Variants in TNS3 observed in about 807,000 individuals in gnomAD.
TNS3 encodes tensin 3, also known as tensin-3.
Under a neutral mutation model 140.9 loss-of-function variants are expected in TNS3, and 45 were observed. That is an observed-to-expected ratio of 0.32 (90% CI 0.25 to 0.41). The LOEUF (loss-of-function observed/expected upper bound fraction) is 0.41. Among genes scored for constraint, TNS3 ranks in the 10% least tolerant of loss-of-function variants. TNS3 has a pLI of 1.00. For missense variants in TNS3, 1,716 were observed against 1,906.7 expected, an observed-to-expected ratio of 0.90 and a Z score of 1.86; for synonymous variants, 815 against 788.4, an observed-to-expected ratio of 1.03 and a Z score of -0.56.
intron 20 of TNS3, among the ~76,000 whole-genome samples, chr7:47,312,329 C>A (rs1465122372): frequency 6.6e-6 from 1 of 152,194 alleles, no homozygotes; most frequent in East Asian, 1.9e-4. Context: ...AAAACCATCC[C>A]TCTGCACCCT....
At chr7:47,531,767 GCTCCACCCC>G (rs1385247871) in intron 1 of TNS3, among the ~76,000 whole-genome samples, 3 of 152,242 alleles carry the variant, frequency 2.0e-5, no homozygotes, top group African/African-American at 7.2e-5. Flanking sequence ...GCCGGTGGGA[GCTCCACCCC>G]TTCTGAGTTG....
intron 1 of TNS3, among the ~76,000 whole-genome samples, chr7:47,542,871 A>G (rs1421839101): frequency 1.3e-5 from 2 of 149,442 alleles, no homozygotes; most frequent in Admixed American, 6.8e-5. Flanking sequence ...CAGAGGTTGC[A>G]GTGAGCCGAG....
chr7:47,393,928 C>T (rs1792677444), intron 16 of TNS3, among the ~76,000 whole-genome samples: 1 of 151,994 alleles, frequency 6.6e-6, no homozygotes, highest in East Asian at 1.9e-4. Flanking sequence ...AATGCCAGAC[C>T]TTCTCTACTC....
intron 2 of TNS3, among the ~76,000 whole-genome samples, chr7:47,511,990 C>T (rs1798630035): frequency 6.6e-6 from 1 of 152,248 alleles, no homozygotes; most frequent in African/African-American, 2.4e-5. Flanking sequence ...CGCCTTGTTC[C>T]ACCTGTTCCC....
At chr7:47,313,677 G>A (rs536422002) in intron 20 of TNS3, among the ~76,000 whole-genome samples, 3 of 152,260 alleles carry the variant, frequency 2.0e-5, no homozygotes, top group South Asian at 2.1e-4. Flanking sequence ...CAGAGTCCCC[G>A]TGCCTCAAGG....
At chr7:47,328,609 T>C (rs185727740) in intron 20 of TNS3, among the ~76,000 whole-genome samples, 5 of 152,146 alleles carry the variant, frequency 3.3e-5, no homozygotes, top group East Asian at 1.9e-4. Flanking sequence ...AACAAGGATG[T>C]CCCTAGTCAG....
chr7:47,511,979 A>G (rs1214250561), intron 2 of TNS3, among the ~76,000 whole-genome samples: 2 of 152,218 alleles, frequency 1.3e-5, no homozygotes, highest in African/African-American at 4.8e-5. Flanking sequence ...TGTACTTTAG[A>G]CGCCTTGTTC....
chr7:47,571,712 T>G (rs776097228), intron 1 of TNS3, among the ~76,000 whole-genome samples: 1 of 152,226 alleles, frequency 6.6e-6, no homozygotes, highest in African/African-American at 2.4e-5. Context: ...AGCTGGAACC[T>G]TTTTGGCTAC....
chr7:47,475,123 C>T (rs1360774075), intron 4 of TNS3, among the ~76,000 whole-genome samples: 1 of 151,982 alleles, frequency 6.6e-6, no homozygotes, highest in African/African-American at 2.4e-5. Flanking sequence ...AACATACACA[C>T]ACAAAACACC....
At chr7:47,293,672 G>A in intron 25 of TNS3, 61 bp downstream of exon 25, 1 of 1,462,706 alleles carries the variant, frequency 6.8e-7, no homozygotes, top group Non-Finnish European at 9.6e-7. Flanking sequence ...AGGTTGGTGA[G>A]CAGAGGGAAT....
At chr7:47,564,635 CA>C (rs749603752) in intron 1 of TNS3, among the ~76,000 whole-genome samples, 335 of 30,194 alleles carry the variant, frequency 0.011, 4 homozygotes, top group African/African-American at 0.039. Context: ...GACTCCGTCT[CA>C]AAAAAAAAAA....
chr7:47,448,758 T>G (rs1795875023), intron 4 of TNS3, among the ~76,000 whole-genome samples: 1 of 152,222 alleles, frequency 6.6e-6, no homozygotes, highest in Admixed American at 6.5e-5. Flanking sequence ...ATTGCAGGCG[T>G]AAGCCACCGC....
intron 2 of TNS3, among the ~76,000 whole-genome samples, chr7:47,525,336 T>C (rs1799154217): frequency 6.6e-6 from 1 of 152,210 alleles, no homozygotes. Context: ...ACACTGGGCT[T>C]TGTTCTCGTG....
intron 1 of TNS3, chr7:47,557,043 A>G (rs1470321562): frequency 2.2e-6 from 1 of 456,772 alleles, no homozygotes; most frequent in South Asian, 1.5e-5. Flanking sequence ...TGACCTGTGC[A>G]GGGTGTGCAG....
chr7:47,528,900 G>T, intron 2 of TNS3, 136 bp downstream of exon 2: 1 of 399,928 alleles, frequency 2.5e-6, no homozygotes, highest in Non-Finnish European at 4.3e-6. Context: ...GGGGGTAGGG[G>T]GTTGGGGGAC....
At chr7:47,420,366 C>T (rs922452009) in intron 10 of TNS3, among the ~76,000 whole-genome samples, 2 of 152,126 alleles carry the variant, frequency 1.3e-5, no homozygotes, top group African/African-American at 4.8e-5. Context: ...CCTGATGGTC[C>T]ACGCCTATTG....
intron 4 of TNS3, among the ~76,000 whole-genome samples, chr7:47,464,934 A>G (rs1472736005): frequency 2.0e-5 from 3 of 152,184 alleles, no homozygotes; most frequent in Non-Finnish European, 1.5e-5. Flanking sequence ...CTAATATTCC[A>G]AAGTGCTTCA....
intron 1 of TNS3, among the ~76,000 whole-genome samples, chr7:47,530,838 A>AAAAAAAAATATAT: frequency 2.4e-4 from 13 of 54,562 alleles, no homozygotes; most frequent in African/African-American, 1.0e-3. Flanking sequence ...AAAAAAAAAA[A>AAAAAAAAATATAT]ATATATATAT....
intron 2 of TNS3, among the ~76,000 whole-genome samples, chr7:47,513,731 G>C (rs976099199): frequency 6.6e-6 from 1 of 152,242 alleles, no homozygotes; most frequent in Non-Finnish European, 1.5e-5. Context: ...GCGTTTTCCT[G>C]TGAGGAGCCT....
Sources: allele counts gnomAD v4.1 joint callset (sites outside exome capture counted in the v4.1 genomes callset), GRCh38; gene constraint gnomAD v4.1.1; transcripts MANE v1.5; gene names NCBI Gene and HGNC (gene_info 2026-07-23, HGNC 2026-07-21).